ATP11B: variants seen among roughly 807,000 people sequenced by gnomAD.
The protein encoded by ATP11B is ATPase phospholipid transporting 11B (putative).
In ATP11B, 81 loss-of-function variants were observed where a neutral mutation model predicts 157.8. That is an observed-to-expected ratio of 0.51 (90% CI 0.43 to 0.62). ATP11B has a LOEUF of 0.62. Among genes scored for constraint, ATP11B ranks in the 20% least tolerant of loss-of-function variants. ATP11B has a pLI of 0.00. For synonymous variants in ATP11B, 451 were observed against 469.4 expected (o/e 0.96, Z 0.51); for missense variants, 1,165 against 1,402.2 (o/e 0.83, Z 2.70).
intron 2 of ATP11B, among the ~76,000 whole-genome samples, chr3:182,823,116 GAATTAGATCCCATTTGTCA>G (rs1474464303): frequency 1.3e-5 from 2 of 152,102 alleles, no homozygotes; most frequent in Non-Finnish European, 2.9e-5. Flanking sequence ...CTCTTTAGTT[GAATTAGATCCCATTTGTCA>G]ATTTTGGCTT....
At chr3:182,884,717 T>C in intron 21 of ATP11B, 36 bp from the exon 22 acceptor site, 4 of 1,558,984 alleles carry the variant, frequency 2.6e-6, no homozygotes, top group Non-Finnish European at 3.4e-6. Context: ...AAATTACAGT[T>C]ATCAGTGAAC....
chr3:182,842,118 G>A lies in ATP11B; in HGVS notation c.700G>A (p.Val234Ile), dbSNP rs1165278736. Residue 234 changes from valine (V) to isoleucine (I), a missense_variant, in exon 8 of 30, where the codon GTA (valine) becomes ATA (isoleucine). Transcript: ENST00000323116. ...MIITQQMEEI[V>I]RPLGPESLLL... ...CATAACCCAACAAATGGAAGAAATT[G>A]TAAGGTAAGAATTAATTTGTGTTAT... The A allele has an allele frequency of 2.5e-6, 4 of 1,600,350 alleles. No individual in the cohort carries two copies. Among genetic ancestry groups the A allele is most frequent in the Non-Finnish European group, 3.4e-6 (4 of 1,169,222 alleles).
Position 182,902,516 on chromosome 3 carries a change from C to A in ATP11B, c.3318+3744C>A, listed in dbSNP as rs1356315412. On this transcript the variant is annotated intron_variant, in intron 28 of 29. Coordinates refer to ENST00000323116, the MANE Select transcript of ATP11B (RefSeq NM_014616.3). The stretch of plus-strand genomic sequence containing the variant: ...ACACAGTTGCTTTAAGTGACGAGTT[C>A]ATCGCACTGCAGCCATTGTCGAGGG... 4.7e-6 allele frequency: 6 copies of A among 1,289,398 alleles called. No individual in the cohort carries two copies. In the East Asian group the frequency reaches 3.3e-4, roughly 71 times the overall value. 79.9% of individuals were successfully genotyped at this position (1,289,398 alleles called of 1,614,324 possible).
At chr3:182,911,276 C>CCCG (rs1553826113) in intron 28 of ATP11B, among the ~76,000 whole-genome samples, 2 of 123,234 alleles carry the variant, frequency 1.6e-5, no homozygotes, top group Non-Finnish European at 3.3e-5. Flanking sequence ...GAAATGCCCC[C>CCCG]CCCCGCTAAG....
At chr3:182,836,267 T>G (rs1460478001) in intron 5 of ATP11B, 75 bp from the exon 6 acceptor site, 2 of 1,590,254 alleles carry the variant, frequency 1.3e-6, no homozygotes, top group South Asian at 1.1e-5. Flanking sequence ...ATAGGCTGCT[T>G]CTTTAGAGCC....
At chr3:182,823,180 G>A (rs1717481119) in intron 2 of ATP11B, among the ~76,000 whole-genome samples, 1 of 152,170 alleles carries the variant, frequency 6.6e-6, no homozygotes, top group South Asian at 2.1e-4. Context: ...TAGACATGAA[G>A]TCCTTGCCCA....
At position 182,828,193 on chromosome 3, in the gene ATP11B, T is replaced by C; in HGVS notation, c.218T>C (p.Ile73Thr). 1 of 1,491,984 alleles carries C rather than the reference T, an allele frequency of 6.7e-7. No individual in the cohort carries two copies. The highest frequency in any genetic ancestry group is 9.1e-7 in the Non-Finnish European group (1 of 1,102,520). The allele number at this position is 1,491,984 out of a possible 1,614,324, so 92.4% of individuals were successfully genotyped here. The change falls in exon 3 of 30, where the codon ATT becomes ACT. Residue 73 changes from isoleucine (I) to threonine (T), a missense_variant. This residue lies in a region of ATP11B where 91 missense variants were observed against 95.8 expected (regional missense o/e 0.95). Transcript: ENST00000323116. ...AGAGTGGCAAACTTTTATTTTCTTA[T>C]TATATTTTTGGTTCAGGTAAGCTTT... ...FRRVANFYFL[I>T]IFLVQLMIDT...
intron 19 of ATP11B, 122 bp from the exon 20 acceptor site, chr3:182,879,374 T>A (rs1254770918): frequency 1.2e-6 from 1 of 818,560 alleles, no homozygotes; most frequent in Admixed American, 3.7e-5. Flanking sequence ...CATAACAGTC[T>A]TGTAACAGTA....
rs1721223505 is a variant in ATP11B, at chr3:182,866,263, T to A, written c.1444-5T>A. 6.5e-7 allele frequency: 1 copy of A among 1,530,640 alleles called. No individual in the cohort carries two copies. The highest frequency in any genetic ancestry group is 2.0e-5 in the Admixed American group (1 of 50,722). The allele number at this position is 1,530,640 out of a possible 1,614,324, so 94.8% of individuals were successfully genotyped here. A position where few individuals can be genotyped will look rare whatever the true frequency, so the allele number is the denominator to read the frequency against. On this transcript the variant is annotated splice_region_variant and splice_polypyrimidine_tract_variant and intron_variant, in intron 13 of 29. Coordinates refer to ENST00000323116, the MANE Select transcript of ATP11B (RefSeq NM_014616.3). ...TTATCATGAATATTAATTACATTTT[T>A]ACAGATTAAAGAACATGATCTCTTC...
At chr3:182,917,995 C>T in intron 29 of ATP11B, 28 bp from the exon 30 acceptor site, 1 of 1,609,664 alleles carries the variant, frequency 6.2e-7, no homozygotes, top group African/African-American at 1.3e-5. Flanking sequence ...TCCTGGTGAG[C>T]CAAACTTTTC....
chr3:182,909,593 C>T (rs1384603277), intron 28 of ATP11B, among the ~76,000 whole-genome samples: 2 of 152,138 alleles, frequency 1.3e-5, no homozygotes, highest in Non-Finnish European at 2.9e-5. Context: ...ATTCTCCTCA[C>T]CCAATTATAC....
At chr3:182,803,673 A>G (rs571137274) in intron 1 of ATP11B, among the ~76,000 whole-genome samples, 17 of 152,334 alleles carry the variant, frequency 1.1e-4, no homozygotes, top group Non-Finnish European at 2.4e-4. Context: ...CAATTTTTGT[A>G]TATGGAATAA....
rs191398793 is a variant in ATP11B at position 182,794,845 on chromosome 3, G to A, written c.27+1059G>A. ...CATTAACTTAATGCTTCTACAAGTT[G>A]GCGTTTTCATTTACTAATTCTAAAG... On this transcript the variant is annotated intron_variant, in intron 1 of 29. Transcript: ENST00000323116. Among the ~76,000 whole-genome samples, 164 of 152,262 alleles carry A rather than the reference G, an allele frequency of 1.1e-3. 1 individual carries two copies. Among genetic ancestry groups the A allele is most frequent in the African/African-American group, 3.9e-3 (161 of 41,546 alleles).
intron 10 of ATP11B, among the ~76,000 whole-genome samples, chr3:182,855,277 C>T (rs992923136): frequency 6.6e-6 from 1 of 152,080 alleles, no homozygotes; most frequent in Non-Finnish European, 1.5e-5. Flanking sequence ...TTTTTGGCAA[C>T]AGCACAAAAG....
At chr3:182,887,815 C>G (rs1722900449) in intron 24 of ATP11B, 102 bp downstream of exon 24, 2 of 1,225,742 alleles carry the variant, frequency 1.6e-6, no homozygotes, top group Non-Finnish European at 2.3e-6. Flanking sequence ...AAGGAAAGTT[C>G]TTTAGTTGTC....
intron 22 of ATP11B, among the ~76,000 whole-genome samples, chr3:182,885,341 G>A (rs1477771374): frequency 6.6e-6 from 1 of 152,094 alleles, no homozygotes; most frequent in Non-Finnish European, 1.5e-5. Context: ...TTGGTACAAG[G>A]TGGGAGTTTG....
At chr3:182,914,846 CT>C (rs1725037876) in intron 29 of ATP11B, 1 of 985,344 alleles carries the variant, frequency 1.0e-6, no homozygotes, top group South Asian at 4.7e-5. Flanking sequence ...TTTTTCCACA[CT>C]TGGTGTTCTT....
intron 29 of ATP11B, chr3:182,917,563 C>G (rs1725222313): frequency 1.0e-6 from 1 of 985,070 alleles, no homozygotes; most frequent in Non-Finnish European, 1.2e-6. Flanking sequence ...ATGCGGAAGT[C>G]TTTAGAATAG....
intron 29 of ATP11B, 22 bp downstream of exon 29, chr3:182,914,016 C>T (rs754480871): frequency 6.2e-7 from 1 of 1,613,284 alleles, no homozygotes; most frequent in Non-Finnish European, 8.5e-7. Context: ...CTCTAAGTAG[C>T]CTTTGCTGCA....
Sources: allele counts gnomAD v4.1 joint callset (sites outside exome capture counted in the v4.1 genomes callset), GRCh38; gene constraint gnomAD v4.1.1; regional missense constraint gnomAD v4.1.1; transcripts MANE v1.5; gene names NCBI Gene and HGNC (gene_info 2026-07-23, HGNC 2026-07-21).